The following CD3D variants were observed in gnomAD, a reference collection of about 807,000 sequenced individuals.
The protein encoded by CD3D is T-cell surface glycoprotein CD3 delta chain.
Under a neutral mutation model 22.0 loss-of-function variants are expected in CD3D, and 22 were observed. The observed-to-expected ratio is 1.00, with a 90% confidence interval of 0.71 to 1.43. The LOEUF (loss-of-function observed/expected upper bound fraction) is 1.43, where lower values mean the gene tolerates loss of function less well. Among genes scored for constraint, CD3D ranks in the 40% most tolerant of loss-of-function variants. The pLI is 0.00. For synonymous variants in CD3D, 74 were observed against 81.2 expected (o/e 0.91, Z 0.48); for missense variants, 205 against 211.7 (o/e 0.97, Z 0.20).
intron 3 of CD3D, 69 bp downstream of exon 3, chr11:118,339,706 T>TGG (rs1948281621): frequency 8.0e-7 from 1 of 1,253,702 alleles, no homozygotes; most frequent in Non-Finnish European, 1.1e-6. Context: ...ATAAGCTCAC[T>TGG]GGTACACACA....
At position 118,340,462 on chromosome 11, in the gene CD3D, G is replaced by T; in HGVS notation, c.187C>A (p.Arg63Ser). The T allele has an allele frequency of 6.2e-7, 1 of 1,613,902 alleles. No homozygotes were observed. The highest frequency in any genetic ancestry group is 8.5e-7 in the Non-Finnish European group (1 of 1,179,898). Residue 63 changes from arginine to serine, a missense_variant, in exon 2 of 5, where the codon CGC (arginine) becomes AGC (serine). By Grantham distance (110) the Arg-to-Ser change is moderately radical (BLOSUM62 -1). Coordinates refer to ENST00000300692, the MANE Select transcript of CD3D (RefSeq NM_000732.6). ...TATATTCCTCGTGGGTCCAGGATGC[G>T]TTTTCCCAGGTCCAGTCTTGTAATG... ...SDITRLDLGK[R>S]ILDPRGIYRC...
intron 1 of CD3D, chr11:118,340,812 C>G (rs112575389): frequency 1.5e-6 from 1 of 672,592 alleles, no homozygotes; most frequent in Non-Finnish European, 2.7e-6. Flanking sequence ...AAGCAGAGGA[C>G]AGGTCTTGGG....
In CD3D at chr11:118,340,370, C is replaced by T. The variant is rs730880296; in HGVS notation, c.274+5G>A. ...TCCAACCCAAAGGGTTCAGGAAGCA[C>T]GTACTTCGATAATGAACTTGCACGG... On this transcript the variant is annotated splice_donor_5th_base_variant and intron_variant, in intron 2 of 4. Coordinates refer to ENST00000300692, the MANE Select transcript of CD3D (RefSeq NM_000732.6). The T allele has an allele frequency of 3.1e-6, 5 of 1,610,366 alleles. No individual in the cohort carries two copies. The highest frequency in any genetic ancestry group is 3.3e-5 in the Admixed American group (2 of 60,028).
intron 2 of CD3D, 142 bp from the exon 3 acceptor site, chr11:118,340,048 G>A (rs1479911672): frequency 1.7e-5 from 16 of 969,288 alleles, no homozygotes; most frequent in Non-Finnish European, 2.4e-5. Flanking sequence ...CTGGTGATGG[G>A]CTTGCCACAC....
At chr11:118,339,975 T>G in intron 2 of CD3D, 69 bp from the exon 3 acceptor site, 1 of 1,588,736 alleles carries the variant, frequency 6.3e-7, no homozygotes, top group South Asian at 1.1e-5. Flanking sequence ...CTCTGCCTCC[T>G]AGGGCAACCC....
At chr11:118,338,998 T>TAGGAGGGCGAGATCCCA, downstream of CD3D, 1 of 729,534 alleles carries the variant, frequency 1.4e-6, no homozygotes, top group Non-Finnish European at 2.6e-6. Context: ...AACAGGTAGG[T>TAGGAGGGCGAGATCCCA]AGGAGGGCGA....
intron 4 of CD3D, 68 bp from the exon 5 acceptor site, chr11:118,339,295 G>T (rs1948277578): frequency 3.3e-6 from 5 of 1,537,486 alleles, no homozygotes; most frequent in Non-Finnish European, 3.6e-6. Context: ...GCCCCAGCAG[G>T]CCCTGACGAT....
rs746486131 is a variant in CD3D, at chr11:118,339,434, T to C, written c.450+17A>G. The C allele has an allele frequency of 1.9e-6, 3 of 1,613,838 alleles. No individual in the cohort carries two copies. Among genetic ancestry groups the C allele is most frequent in the East Asian group, 2.2e-5 (1 of 44,864 alleles). ...TTACCCTCCCTTCATTCCTGCCTCC[T>C]TCCCCTCAACGCTCACCTGATAGAC... is the stretch of plus-strand genomic sequence containing the variant. On this transcript the variant is annotated intron_variant, in intron 4 of 4. Coordinates refer to ENST00000300692, the MANE Select transcript of CD3D (RefSeq NM_000732.6).
chr11:118,342,694 G>C lies in CD3D; in HGVS notation c.-87C>G. 1.1e-5 allele frequency: 12 copies of C among 1,134,316 alleles called. No individual in the cohort carries two copies. The highest frequency in any genetic ancestry group is 1.6e-5 in the Non-Finnish European group (12 of 746,516). 70.3% of individuals were successfully genotyped at this position (1,134,316 alleles called of 1,614,324 possible). ...GCTGCCCTCCCCTAGCTGACTCACA[G>C]GTACCGGAAAGAGGAGAGTGGGGGA... On this transcript the variant is annotated 5_prime_UTR_variant, in exon 1 of 5. Coordinates refer to ENST00000300692, the MANE Select transcript of CD3D (RefSeq NM_000732.6).
chr11:118,339,751 C>A (rs369069455), intron 3 of CD3D, 24 bp downstream of exon 3: 1 of 1,613,088 alleles, frequency 6.2e-7, no homozygotes, highest in Non-Finnish European at 8.5e-7. Flanking sequence ...CAAACACACT[C>A]TCATGCTCTG....
At chr11:118,342,453 G>T (rs1203640385) in intron 1 of CD3D, 100 bp downstream of exon 1, 2 of 1,071,708 alleles carry the variant, frequency 1.9e-6, no homozygotes, top group African/African-American at 3.1e-5. Context: ...TTACTGGTGT[G>T]AGCCACCGTG....
chr11:118,341,958 C>T (rs903067753), intron 1 of CD3D, among the ~76,000 whole-genome samples: 1 of 152,182 alleles, frequency 6.6e-6, no homozygotes, highest in Non-Finnish European at 1.5e-5. Flanking sequence ...AAGCTGTGCT[C>T]CCATGGCCAG....
At chr11:118,340,966 G>C in intron 1 of CD3D, 1 of 491,694 alleles carries the variant, frequency 2.0e-6, no homozygotes, top group South Asian at 1.5e-5. Context: ...AACATTCCTC[G>C]ATTGGAAATG....
intron 1 of CD3D, 104 bp from the exon 2 acceptor site, chr11:118,340,697 G>T: frequency 1.2e-6 from 1 of 841,274 alleles, no homozygotes; most frequent in Non-Finnish European, 2.0e-6. Context: ...TCCTGGTCCA[G>T]GACAGTTTAT....
rs892215583 is a variant in CD3D at position 118,342,565 on chromosome 11, G to A, written c.43C>T (p.Leu15Phe). Residue 15 changes from leucine (L) to phenylalanine (F), a missense_variant, in exon 1 of 5, where the codon CTT (leucine) becomes TTT (phenylalanine). By Grantham distance (22) the Leu-to-Phe change is conservative (BLOSUM62 0). Coordinates refer to ENST00000300692, the MANE Select transcript of CD3D (RefSeq NM_000732.6). ...TFLSGLVLATLLSQVSPFKIP... is the reference protein window; with the variant it reads ...TFLSGLVLATFLSQVSPFKIP... Reference sequence around the variant, plus strand: ...GGAGTAGCCTTACCTTGCGAGAGAAGGGTAGCCAGTACCAGGCCAGAGAGA... The same window carrying A: ...GGAGTAGCCTTACCTTGCGAGAGAAAGGTAGCCAGTACCAGGCCAGAGAGA... 1 of 1,613,644 alleles carries A rather than the reference G, an allele frequency of 6.2e-7. No individual in the cohort carries two copies.
chr11:118,342,037 C>T (rs1263589903), intron 1 of CD3D, among the ~76,000 whole-genome samples: 1 of 152,194 alleles, frequency 6.6e-6, no homozygotes, highest in African/African-American at 2.4e-5. Context: ...TTCTGAGAGA[C>T]ATTCTAGGCC....
intron 1 of CD3D, among the ~76,000 whole-genome samples, chr11:118,341,743 C>T (rs1050175340): frequency 7.9e-5 from 12 of 152,142 alleles, no homozygotes. Flanking sequence ...CATTTTAAAA[C>T]TGAAATTGGC....
chr11:118,339,289 C>T (rs1410904314), intron 4 of CD3D, 62 bp from the exon 5 acceptor site: 4 of 1,541,740 alleles, frequency 2.6e-6, no homozygotes, highest in Non-Finnish European at 3.6e-6. Context: ...GGAAGGGCCC[C>T]AGCAGGCCCT....
chr11:118,340,128 G>T (rs1948286613), intron 2 of CD3D, among the ~76,000 whole-genome samples: 1 of 152,152 alleles, frequency 6.6e-6, no homozygotes, highest in African/African-American at 2.4e-5. Flanking sequence ...TTGGGACCTT[G>T]AACAAGGTGG....
Sources: gnomAD v4.1 joint callset for allele counts (sites outside exome capture counted in the v4.1 genomes callset) on GRCh38, gnomAD v4.1.1 for gene constraint, MANE v1.5 for transcripts, NCBI Gene and HGNC (gene_info 2026-07-23, HGNC 2026-07-21) for gene names.